NOL4L: variants seen among roughly 807,000 people sequenced by gnomAD.
NOL4L encodes the protein nucleolar protein 4-like.
NOL4L carries 7 observed loss-of-function variants against 64.5 expected under a neutral mutation model. That is an observed-to-expected ratio of 0.11 (90% CI 0.06 to 0.20). The LOEUF (loss-of-function observed/expected upper bound fraction) is 0.20, where lower values mean the gene tolerates loss of function less well. NOL4L is among the 10% of genes least tolerant of loss of function. NOL4L has a pLI of 1.00. For synonymous variants in NOL4L, 413 were observed against 401.0 expected (o/e 1.03, Z -0.36); for missense variants, 680 against 967.1 (o/e 0.70, Z 3.94).
rs1338249375 is a variant in NOL4L at position 32,464,247 on chromosome 20, G to A, written c.842-7852C>T. ...GCCAGCGCCCAGGCTGTGTTTACAC[G>A]ATGCGTAGTTCCAAGGAGCACCAGG... On this transcript the variant is annotated intron_variant, in intron 5 of 10. Transcript: ENST00000621426. This position sits in a 1 kb window ranked among gnomAD's most constrained non-coding sequence, Gnocchi z 5.6. Among the ~76,000 whole-genome samples, 1 of 152,186 alleles carries A rather than the reference G, an allele frequency of 6.6e-6. No individual in the cohort carries two copies. The highest frequency in any genetic ancestry group is 2.4e-5 in the African/African-American group (1 of 41,438).
chr20:32,547,961 CCTCT>C lies in NOL4L; in HGVS notation c.322-20052_322-20049del, dbSNP rs2018753336. Among the ~76,000 whole-genome samples, 4 of 152,270 alleles carry C rather than the reference CCTCT, an allele frequency of 2.6e-5. No homozygotes were observed. The South Asian group carries it at 8.3e-4, about 32-fold the overall frequency. On this transcript the variant is annotated intron_variant, in intron 1 of 10. Coordinates refer to ENST00000621426, the MANE Select transcript of NOL4L (RefSeq NM_001256798.2). The stretch of plus-strand genomic sequence containing the variant: ...CAACTGGGTGGTTTCATTCAAATGT[CCTCT>C]CTCTCCCCAGGAATCCTTCCCTGAC...
chr20:32,509,517 C>CAAAAAAAAAAAAAAAAAAA (rs71338441), intron 4 of NOL4L, among the ~76,000 whole-genome samples: 1 of 62,830 alleles, frequency 1.6e-5, no homozygotes, highest in Non-Finnish European at 3.3e-5. Flanking sequence ...GACTCTGCCT[C>CAAAAAAAAAAAAAAAAAAA]AAAAAAAAAA....
At chr20:32,536,903 C>T (rs1243269318) in intron 1 of NOL4L, among the ~76,000 whole-genome samples, 1 of 149,274 alleles carries the variant, frequency 6.7e-6, no homozygotes, top group East Asian at 2.0e-4. Flanking sequence ...CGGCTGGCCT[C>T]CCCCTGTCTC....
At position 32,453,249 on chromosome 20, in the gene NOL4L, CAGG is replaced by C; in HGVS notation, c.1497+52_1497+54del. The stretch of plus-strand genomic sequence containing the variant: ...GGGCCCGGGCATCCTGGGAGTGTGG[CAGG>C]AGGTCAGTAGTGGCACCGAGGGAAA... On this transcript the variant is annotated intron_variant, in intron 8 of 10. Coordinates refer to ENST00000621426, the MANE Select transcript of NOL4L (RefSeq NM_001256798.2). This position sits in a 1 kb window ranked among gnomAD's most constrained non-coding sequence, Gnocchi z 5.6. The C allele has an allele frequency of 1.9e-6, 3 of 1,576,608 alleles. No homozygotes were observed. Among genetic ancestry groups the C allele is most frequent in the Non-Finnish European group, 2.6e-6 (3 of 1,156,168 alleles).
chr20:32,575,700 A>G (rs775135071), intron 1 of NOL4L, among the ~76,000 whole-genome samples: 19 of 152,220 alleles, frequency 1.2e-4, no homozygotes, highest in Non-Finnish European at 2.6e-4. Context: ...GCTAGTGCTC[A>G]TGGCCTTGGA....
intron 4 of NOL4L, among the ~76,000 whole-genome samples, chr20:32,508,786 AC>A (rs1364102421): frequency 6.6e-6 from 1 of 152,176 alleles, no homozygotes; most frequent in African/African-American, 2.4e-5. Context: ...CCAGAGCCTC[AC>A]CAGGGCAATT....
At chr20:32,454,792 G>T (rs1737890) in intron 6 of NOL4L, among the ~76,000 whole-genome samples, 50,367 of 152,194 alleles carry the variant, frequency 0.33, 10,951 homozygotes, top group African/African-American at 0.62. Context: ...AACAGGTGGC[G>T]GTATGGTCAG....
chr20:32,444,379 T>C lies in NOL4L; in HGVS notation c.*3217A>G, dbSNP rs1245238556. The C allele has an allele frequency of 6.6e-6, 1 of 152,230 alleles. No individual in the cohort carries two copies. Among genetic ancestry groups the C allele is most frequent in the Non-Finnish European group, 1.5e-5 (1 of 68,044 alleles). The allele number at this position is 152,230 out of a possible 1,614,324, so 9.4% of individuals were successfully genotyped here. A position where few individuals can be genotyped will look rare whatever the true frequency, so the allele number is the denominator to read the frequency against. ...TTACAAATTAAAAGTATCAACCCTC[T>C]GAGTTCAAAGCAGCATTTTGAAAAT... On this transcript the variant is annotated 3_prime_UTR_variant, in exon 11 of 11. Transcript: ENST00000621426.
At chr20:32,486,205 C>T (rs763164271) in intron 4 of NOL4L, among the ~76,000 whole-genome samples, 6 of 152,196 alleles carry the variant, frequency 3.9e-5, no homozygotes, top group Non-Finnish European at 8.8e-5. Flanking sequence ...CTGGAGTAAC[C>T]TTGTATAGGT....
intron 4 of NOL4L, 120 bp from the exon 5 acceptor site, chr20:32,474,862 G>A (rs2015281805): frequency 7.0e-7 from 1 of 1,438,404 alleles, no homozygotes; most frequent in South Asian, 1.5e-5. Context: ...GGCGGCAGGA[G>A]CCCTCAAACC....
At chr20:32,514,072 A>G (rs997032239) in intron 3 of NOL4L, among the ~76,000 whole-genome samples, 1 of 152,214 alleles carries the variant, frequency 6.6e-6, no homozygotes, top group Non-Finnish European at 1.5e-5. Context: ...GACGCTGTGT[A>G]CTTCTGGTGA....
At chr20:32,544,000 C>T (rs913629461) in intron 1 of NOL4L, among the ~76,000 whole-genome samples, 1 of 152,026 alleles carries the variant, frequency 6.6e-6, no homozygotes, top group African/African-American at 2.4e-5. Context: ...GCATCGTGGG[C>T]AGTGGTGTGT....
intron 1 of NOL4L, among the ~76,000 whole-genome samples, chr20:32,559,071 G>A (rs998067654): frequency 1.3e-5 from 2 of 152,198 alleles, no homozygotes; most frequent in Non-Finnish European, 2.9e-5. Flanking sequence ...CTGTAGTGTG[G>A]CCGCAATGCC....
chr20:32,469,651 G>A (rs568344642), intron 5 of NOL4L, among the ~76,000 whole-genome samples: 12 of 152,344 alleles, frequency 7.9e-5, no homozygotes, highest in African/African-American at 2.6e-4. Context: ...GCTTACAGGC[G>A]TGAGCCACCG....
chr20:32,555,288 A>G (rs1978577318), intron 1 of NOL4L, among the ~76,000 whole-genome samples: 1 of 151,950 alleles, frequency 6.6e-6, no homozygotes. Context: ...ATGTGACTGT[A>G]TTTGTGGATA....
Position 32,453,836 on chromosome 20 carries a change from G to T in NOL4L, c.1120-75C>A. 1 of 1,420,082 alleles carries T rather than the reference G, an allele frequency of 7.0e-7. No individual in the cohort carries two copies. Among genetic ancestry groups the T allele is most frequent in the Non-Finnish European group, 9.6e-7 (1 of 1,040,254 alleles). The allele number at this position is 1,420,082 out of a possible 1,614,324, so 88.0% of individuals were successfully genotyped here. ...CCTTGCTGGGTCTCCTACAGGCGGT[G>T]AGCTTGGGGACCAGGGTGGCACGCA... is the stretch of plus-strand genomic sequence containing the variant. On this transcript the variant is annotated intron_variant, in intron 6 of 10. Transcript: ENST00000621426. The surrounding 1 kb of genome is among the most constrained non-coding windows in gnomAD (Gnocchi z 5.6).
chr20:32,527,823 C>T lies in NOL4L; in HGVS notation c.412G>A (p.Val138Met), dbSNP rs1600835294. ...TTGCCTGGCTCCGCTGAGCTCTCCA[C>T]ATGCATCGAGTAGATGATGTCAAAG... The part of the protein sequence containing the change: ...DFFDIIYSMH[V>M]ESSAEPGKAP... Residue 138 changes from valine to methionine, a missense_variant, in exon 2 of 11, where the codon GTG becomes ATG. Coordinates refer to ENST00000621426, the MANE Select transcript of NOL4L (RefSeq NM_001256798.2). The T allele has an allele frequency of 6.4e-7, 1 of 1,550,626 alleles. No homozygotes were observed. Among genetic ancestry groups the T allele is most frequent in the South Asian group, 1.2e-5 (1 of 84,056 alleles).
At chr20:32,508,625 C>T (rs1239867861) in intron 4 of NOL4L, among the ~76,000 whole-genome samples, 1 of 152,068 alleles carries the variant, frequency 6.6e-6, no homozygotes, top group African/African-American at 2.4e-5. Context: ...ATTCAGAGGC[C>T]CCCACCTGGA....
intron 3 of NOL4L, among the ~76,000 whole-genome samples, chr20:32,517,554 C>T (rs1212679829): frequency 2.6e-5 from 4 of 152,238 alleles, no homozygotes; most frequent in Non-Finnish European, 5.9e-5. Context: ...GCCTTTCAGA[C>T]TCAAAACTCT....
Sources: gnomAD v4.1 joint callset for allele counts (sites outside exome capture counted in the v4.1 genomes callset) on GRCh38, gnomAD v4.1.1 for gene constraint, Gnocchi (gnomAD v3.1) non-coding constraint, MANE v1.5 for transcripts, NCBI Gene and HGNC (gene_info 2026-07-23, HGNC 2026-07-21) for gene names.